Variants in RYR2 observed in about 807,000 individuals in gnomAD.
RYR2 encodes cardiac muscle ryanodine receptor-calcium release channel.
A neutral mutation model predicts 601.1 loss-of-function variants in RYR2; 227 were observed. The observed-to-expected ratio is 0.38, with a 90% CI of 0.34 to 0.42. The LOEUF (loss-of-function observed/expected upper bound fraction) is 0.42. Among genes scored for constraint, RYR2 ranks in the 10% least tolerant of loss-of-function variants. The pLI, the probability that RYR2 is intolerant of heterozygous loss-of-function variation, is 1.00. For missense variants in RYR2, 4,646 were observed against 6,156.5 expected (o/e 0.75, Z 8.21); for synonymous variants, 2,223 against 2,175.1 (o/e 1.02, Z -0.61).
chr1:237,480,247 C>T (rs886491031), intron 17 of RYR2, among the ~76,000 whole-genome samples: 3 of 151,912 alleles, frequency 2.0e-5, no homozygotes, highest in African/African-American at 7.2e-5. Context: ...GGTGAAACCT[C>T]GTCTGTACTA....
At chr1:237,642,970 A>T (rs1005453991) in intron 47 of RYR2, among the ~76,000 whole-genome samples, 14 of 152,154 alleles carry the variant, frequency 9.2e-5, no homozygotes, top group Non-Finnish European at 1.5e-4. Flanking sequence ...ATTATTGCTC[A>T]TGTTATTGAT....
intron 10 of RYR2, among the ~76,000 whole-genome samples, chr1:237,404,569 G>A (rs771299919): frequency 6.6e-6 from 1 of 152,252 alleles, no homozygotes; most frequent in Admixed American, 6.5e-5. Flanking sequence ...ATGTGGCCTC[G>A]AGATTCTCAC....
intron 25 of RYR2, among the ~76,000 whole-genome samples, chr1:237,544,061 G>T (rs911063721): frequency 3.9e-5 from 6 of 151,950 alleles, no homozygotes; most frequent in Non-Finnish European, 7.4e-5. Context: ...TAAACTGTTA[G>T]GTATTTGATT....
chr1:237,696,523 C>T lies in RYR2; in HGVS notation c.9068-2442C>T, dbSNP rs1687450485. 2.1e-5 allele frequency among the ~76,000 whole-genome samples: 3 copies of T among 144,956 alleles called. No homozygotes were observed. In the South Asian group the frequency reaches 6.7e-4, roughly 32 times the overall value. ...AAGTGTATAGCTCTGGCTTAGATCT[C>T]TTCCCTGCACTGCAGACTTTTTTTT... On this transcript the variant is annotated intron_variant, in intron 63 of 104. Transcript: ENST00000366574.
rs1403586523 is a variant in RYR2 at position 237,180,993 on chromosome 1, TA to T, written c.49-89503del. Among the ~76,000 whole-genome samples the T allele has an allele frequency of 6.6e-6, 1 of 152,004 alleles. No homozygotes were observed. The highest frequency in any genetic ancestry group is 1.5e-5 in the Non-Finnish European group (1 of 68,008). On this transcript the variant is annotated intron_variant, in intron 1 of 104. Transcript: ENST00000366574. The surrounding 1 kb of genome is among the most constrained non-coding windows in gnomAD (Gnocchi z 5.3). ...TAAGCACTTTTATTATTTATTTGTT[TA>T]TTTTTTTAAGACAGAGCCTCACTCT...
intron 3 of RYR2, among the ~76,000 whole-genome samples, chr1:237,333,432 G>A (rs1206106572): frequency 6.6e-6 from 1 of 152,212 alleles, no homozygotes; most frequent in Non-Finnish European, 1.5e-5. Flanking sequence ...CGTTGGAGGA[G>A]GAGTTCTGGA....
intron 51 of RYR2, among the ~76,000 whole-genome samples, chr1:237,652,716 G>T (rs1682885478): frequency 6.6e-6 from 1 of 151,778 alleles, no homozygotes; most frequent in South Asian, 2.1e-4. Flanking sequence ...AAAATTTTTT[G>T]ATACAAATGA....
At chr1:237,429,376 G>C (rs1355096374) in intron 12 of RYR2, among the ~76,000 whole-genome samples, 1 of 152,110 alleles carries the variant, frequency 6.6e-6, no homozygotes, top group Non-Finnish European at 1.5e-5. Flanking sequence ...GCCAGGGTGG[G>C]GTGGTTACAT....
At chr1:237,341,058 A>G (rs1046482412) in intron 3 of RYR2, among the ~76,000 whole-genome samples, 3 of 152,192 alleles carry the variant, frequency 2.0e-5, no homozygotes, top group Admixed American at 6.6e-5. Context: ...ATCAAACTCA[A>G]TAAAGACGTC....
intron 2 of RYR2, among the ~76,000 whole-genome samples, chr1:237,303,193 C>T (rs1476149729): frequency 6.6e-5 from 10 of 151,806 alleles, no homozygotes. Flanking sequence ...TAACAATTTC[C>T]AGTTTTCCTG....
At chr1:237,158,942 G>A (rs1675695919) in intron 1 of RYR2, among the ~76,000 whole-genome samples, 1 of 152,220 alleles carries the variant, frequency 6.6e-6, no homozygotes, top group Admixed American at 6.5e-5. Context: ...GCAGAGGGCA[G>A]CATGCCCATA....
At chr1:237,544,048 G>A (rs1669557192) in intron 25 of RYR2, among the ~76,000 whole-genome samples, 1 of 152,128 alleles carries the variant, frequency 6.6e-6, no homozygotes, top group Admixed American at 6.5e-5. Flanking sequence ...GGAAAGCAAA[G>A]CCTAAACTGT....
At chr1:237,726,228 G>A in intron 74 of RYR2, 45 bp from the exon 75 acceptor site, 1 of 1,274,154 alleles carries the variant, frequency 7.8e-7, no homozygotes, top group Non-Finnish European at 1.1e-6. Context: ...GATAATAAAT[G>A]TAGTTTTACT....
At chr1:237,182,024 T>C (rs1430810891) in intron 1 of RYR2, among the ~76,000 whole-genome samples, 4 of 152,230 alleles carry the variant, frequency 2.6e-5, no homozygotes, top group African/African-American at 4.8e-5. Context: ...ACATTTCCTT[T>C]TAAACTATAA....
At chr1:237,117,293 G>A (rs2148622463) in intron 1 of RYR2, among the ~76,000 whole-genome samples, 1 of 152,220 alleles carries the variant, frequency 6.6e-6, no homozygotes, top group Admixed American at 6.5e-5. Flanking sequence ...GGGGGATAAG[G>A]CCCAGGTCAC....
chr1:237,055,415 G>A (rs766926573), intron 1 of RYR2, among the ~76,000 whole-genome samples: 7 of 152,142 alleles, frequency 4.6e-5, no homozygotes, highest in South Asian at 4.2e-4. Flanking sequence ...AGATCAGAGC[G>A]GGACCGGAGC....
chr1:237,052,992 G>A (rs569039937), intron 1 of RYR2, among the ~76,000 whole-genome samples: 4 of 152,126 alleles, frequency 2.6e-5, no homozygotes, highest in Admixed American at 1.3e-4. Flanking sequence ...GGGATTACAG[G>A]TGCCCGCCAC....
chr1:237,750,239 A>G (rs1692431892), intron 80 of RYR2, among the ~76,000 whole-genome samples: 2 of 152,294 alleles, frequency 1.3e-5, no homozygotes, highest in South Asian at 4.1e-4. Flanking sequence ...GAATCATGGA[A>G]CTATACATAA....
intron 21 of RYR2, among the ~76,000 whole-genome samples, chr1:237,502,755 G>A (rs898705172): frequency 1.3e-5 from 2 of 151,894 alleles, no homozygotes; most frequent in African/African-American, 4.8e-5. Flanking sequence ...CGTGGCCTGG[G>A]GGTTGGGGCC....
Sources: allele counts gnomAD v4.1 joint callset (sites outside exome capture counted in the v4.1 genomes callset), GRCh38; gene constraint gnomAD v4.1.1; non-coding constraint Gnocchi (gnomAD v3.1); transcripts MANE v1.5; gene names NCBI Gene and HGNC (gene_info 2026-07-23, HGNC 2026-07-21).